Variants in MAGI2 observed in about 807,000 individuals in gnomAD.
MAGI2 encodes membrane-associated guanylate kinase, WW and PDZ domain-containing protein 2.
A neutral mutation model predicts 133.3 loss-of-function variants in MAGI2; 35 were observed. The observed-to-expected ratio is 0.26, with a 90% confidence interval of 0.20 to 0.35. MAGI2 has a LOEUF of 0.35. Among genes scored for constraint, MAGI2 ranks in the 10% least tolerant of loss-of-function variants. The pLI, the probability that MAGI2 is intolerant of heterozygous loss-of-function variation, is 1.00. For synonymous variants in MAGI2, 729 were observed against 710.6 expected (o/e 1.03, Z -0.41); for missense variants, 1,636 against 1,863.4 (o/e 0.88, Z 2.25).
At chr7:78,296,301 G>A (rs1220078163) in intron 9 of MAGI2, among the ~76,000 whole-genome samples, 1 of 152,146 alleles carries the variant, frequency 6.6e-6, no homozygotes, top group African/African-American at 2.4e-5. Flanking sequence ...CCTAATTCAT[G>A]TTCCCTAACC....
chr7:78,734,754 G>A (rs1288162963), intron 2 of MAGI2, among the ~76,000 whole-genome samples: 3 of 152,086 alleles, frequency 2.0e-5, no homozygotes, highest in South Asian at 2.1e-4. Context: ...TGAAAAACAC[G>A]TGGGGGCAGA....
intron 1 of MAGI2, among the ~76,000 whole-genome samples, chr7:79,069,780 G>A (rs1016694179): frequency 1.3e-5 from 2 of 152,166 alleles, no homozygotes; most frequent in African/African-American, 4.8e-5. Context: ...TCCTTCAGGA[G>A]CTCTTGAAAG....
chr7:79,266,070 C>T (rs1196632472), intron 1 of MAGI2, among the ~76,000 whole-genome samples: 1 of 152,124 alleles, frequency 6.6e-6, no homozygotes, highest in African/African-American at 2.4e-5. Flanking sequence ...CCCCCTCTCT[C>T]ACTACTTCAT....
chr7:78,817,617 A>G (rs1789706571), intron 2 of MAGI2, among the ~76,000 whole-genome samples: 1 of 152,152 alleles, frequency 6.6e-6, no homozygotes, highest in South Asian at 2.1e-4. Context: ...AGCTCAGATG[A>G]TGTTTAGCAT....
At chr7:78,427,659 C>CAAA (rs1166524882) in intron 6 of MAGI2, among the ~76,000 whole-genome samples, 126 of 69,494 alleles carry the variant, frequency 1.8e-3, no homozygotes, top group Middle Eastern at 9.1e-3. Flanking sequence ...AACAAAAAGA[C>CAAA]AAAAAAAAAA....
chr7:78,613,118 G>A (rs1379516009), intron 3 of MAGI2, among the ~76,000 whole-genome samples: 2 of 152,074 alleles, frequency 1.3e-5, no homozygotes, highest in African/African-American at 2.4e-5. Context: ...AAGAGAAGAC[G>A]CCAGTATACC....
At chr7:78,729,343 T>A (rs1373465608) in intron 2 of MAGI2, among the ~76,000 whole-genome samples, 3 of 152,190 alleles carry the variant, frequency 2.0e-5, no homozygotes, top group African/African-American at 7.2e-5. Flanking sequence ...AGACTGGTTC[T>A]TAGGTGGGAT....
intron 1 of MAGI2, among the ~76,000 whole-genome samples, chr7:79,179,196 T>C (rs1486590122): frequency 1.3e-5 from 2 of 151,994 alleles, no homozygotes; most frequent in African/African-American, 4.8e-5. Context: ...AAATCTTTTT[T>C]CTGAAAACAC....
chr7:79,383,073 T>C (rs544352969), intron 1 of MAGI2, among the ~76,000 whole-genome samples: 1 of 151,786 alleles, frequency 6.6e-6, no homozygotes, highest in East Asian at 1.9e-4. Context: ...TTTTTCTACA[T>C]TTAAATTCTA....
intron 2 of MAGI2, among the ~76,000 whole-genome samples, chr7:78,893,379 G>A (rs956232988): frequency 2.6e-5 from 4 of 152,090 alleles, no homozygotes; most frequent in Non-Finnish European, 5.9e-5. Flanking sequence ...CCCATTACTG[G>A]GTATATACCC....
chr7:79,223,085 T>C (rs776199949), intron 1 of MAGI2, among the ~76,000 whole-genome samples: 7 of 151,888 alleles, frequency 4.6e-5, no homozygotes, highest in Non-Finnish European at 1.0e-4. Context: ...CGGGGTTTTA[T>C]CGTGTTAGCC....
chr7:78,047,878 ACTGCCTCT>A (rs1811593789), intron 21 of MAGI2, among the ~76,000 whole-genome samples: 1 of 152,092 alleles, frequency 6.6e-6, no homozygotes, highest in South Asian at 2.1e-4. Context: ...GGATTGCCCC[ACTGCCTCT>A]CTGCCTCCTA....
At chr7:78,803,937 G>A (rs983804659) in intron 2 of MAGI2, among the ~76,000 whole-genome samples, 16 of 152,202 alleles carry the variant, frequency 1.1e-4, no homozygotes, top group African/African-American at 3.6e-4. Flanking sequence ...CTTAAATCAA[G>A]CTTCAGTTAT....
chr7:79,225,941 G>A (rs1013485357), intron 1 of MAGI2, among the ~76,000 whole-genome samples: 1 of 152,166 alleles, frequency 6.6e-6, no homozygotes, highest in Non-Finnish European at 1.5e-5. Context: ...CCAACAGAAT[G>A]TGAGGTGCTT....
intron 12 of MAGI2, among the ~76,000 whole-genome samples, chr7:78,189,786 C>A (rs956279568): frequency 6.6e-6 from 1 of 152,140 alleles, no homozygotes; most frequent in Non-Finnish European, 1.5e-5. Flanking sequence ...CAAGAAATGT[C>A]CCCATGAGCT....
chr7:78,758,256 A>AGGG (rs1432155579), intron 2 of MAGI2, among the ~76,000 whole-genome samples: 1 of 151,702 alleles, frequency 6.6e-6, no homozygotes, highest in African/African-American at 2.4e-5. Flanking sequence ...TCCCTCATAC[A>AGGG]AGACAGGGTT....
At chr7:78,739,994 TAAAAA>T (rs1333679467) in intron 2 of MAGI2, among the ~76,000 whole-genome samples, 1 of 151,972 alleles carries the variant, frequency 6.6e-6, no homozygotes, top group Non-Finnish European at 1.5e-5. Context: ...CCGTTTCTAC[TAAAAA>T]GAATACAAAA....
At chr7:78,526,297 G>C (rs1028353319) in intron 3 of MAGI2, among the ~76,000 whole-genome samples, 1 of 152,168 alleles carries the variant, frequency 6.6e-6, no homozygotes, top group Non-Finnish European at 1.5e-5. Context: ...TGCTACCAAA[G>C]CATACAGCAA....
chr7:78,336,313 G>A (rs979079270), intron 9 of MAGI2, among the ~76,000 whole-genome samples: 2 of 152,144 alleles, frequency 1.3e-5, no homozygotes, highest in Admixed American at 6.5e-5. Context: ...TCTCCAAATG[G>A]TTCTGACAAA....
Sources: gnomAD v4.1 joint callset for allele counts (sites outside exome capture counted in the v4.1 genomes callset) on GRCh38, gnomAD v4.1.1 for gene constraint, MANE v1.5 for transcripts, NCBI Gene and HGNC (gene_info 2026-07-23, HGNC 2026-07-21) for gene names.